Variants in COL19A1 observed in about 807,000 individuals in gnomAD.
The protein encoded by COL19A1 is collagen alpha-1(XIX) chain.
A neutral mutation model predicts 190.2 loss-of-function variants in COL19A1; 159 were observed. That is an observed-to-expected ratio of 0.84 (90% CI 0.73 to 0.95). The LOEUF (loss-of-function observed/expected upper bound fraction) is 0.95. COL19A1 is among the 40% of genes least tolerant of loss of function. The pLI is 0.00. For synonymous variants in COL19A1, 509 were observed against 458.9 expected, an observed-to-expected ratio of 1.11 and a Z score of -1.39; for missense variants, 1,418 against 1,431.9, an observed-to-expected ratio of 0.99 and a Z score of 0.16.
At chr6:69,945,711 G>A (rs1773754252) in intron 9 of COL19A1, among the ~76,000 whole-genome samples, 1 of 151,872 alleles carries the variant, frequency 6.6e-6, no homozygotes, top group South Asian at 2.1e-4. Context: ...ATAATCTCAT[G>A]TAATCTACAG....
intron 11 of COL19A1, among the ~76,000 whole-genome samples, chr6:69,982,768 C>A (rs903515164): frequency 3.1e-4 from 46 of 150,498 alleles, no homozygotes; most frequent in African/African-American, 1.1e-3. Context: ...GTCAGGAGAT[C>A]GAGACCATCC....
chr6:70,167,412 A>T (rs1765229255), intron 37 of COL19A1, among the ~76,000 whole-genome samples: 1 of 152,190 alleles, frequency 6.6e-6, no homozygotes, highest in Non-Finnish European at 1.5e-5. Context: ...AAACTATAGA[A>T]TAAGTTCTCC....
chr6:70,037,352 C>T (rs1257356208), intron 14 of COL19A1, among the ~76,000 whole-genome samples: 1 of 152,054 alleles, frequency 6.6e-6, no homozygotes, highest in African/African-American at 2.4e-5. Context: ...GACAGGTTTT[C>T]ACCATATTGA....
chr6:69,885,783 C>A (rs1404997247), intron 2 of COL19A1, among the ~76,000 whole-genome samples: 1 of 152,008 alleles, frequency 6.6e-6, no homozygotes, highest in African/African-American at 2.4e-5. Flanking sequence ...TAAGGTCTAT[C>A]TATGCTGTGG....
At chr6:70,100,226 T>C (rs1279891046) in intron 15 of COL19A1, among the ~76,000 whole-genome samples, 2 of 152,200 alleles carry the variant, frequency 1.3e-5, no homozygotes, top group African/African-American at 4.8e-5. Context: ...ATTTAGTTTC[T>C]TTGTGTTGTT....
In COL19A1 at chr6:69,936,914, T is replaced by G. The variant is rs752664402; in HGVS notation, c.873+4T>G. On this transcript the variant is annotated splice_donor_region_variant and intron_variant, in intron 8 of 50. Transcript: ENST00000620364. ...GTGCCAGTGCATTCCAAACAAGGTA[T>G]GCTAGTTTTAATTGGTGCACACTGA... 6.2e-7 allele frequency: 1 copy of G among 1,612,566 alleles called. No homozygotes were observed. Among genetic ancestry groups the G allele is most frequent in the Admixed American group, 1.7e-5 (1 of 59,924 alleles).
In COL19A1 at chr6:69,949,599, A is replaced by G. The variant is rs73482138; in HGVS notation, c.937-10397A>G. 8.2e-3 allele frequency among the ~76,000 whole-genome samples: 1,245 copies of G among 151,970 alleles called. 18 individuals carry two copies. Among genetic ancestry groups the G allele is most frequent in the African/African-American group, 0.026 (1,070 of 41,500 alleles). On this transcript the variant is annotated intron_variant, in intron 9 of 50. Transcript: ENST00000620364. ...GGGTGAAATATTTCTGTTATTTTAC[A>G]AGAAAAATGGTTTGTTAGATTTTTC... is the stretch of plus-strand genomic sequence containing the variant.
intron 15 of COL19A1, among the ~76,000 whole-genome samples, chr6:70,088,581 A>G (rs183525603): frequency 1.3e-3 from 204 of 152,274 alleles, no homozygotes; most frequent in Middle Eastern, 6.8e-3. Context: ...CAAAGCCACT[A>G]TGTCCACGTT....
intron 14 of COL19A1, among the ~76,000 whole-genome samples, chr6:70,040,582 C>G (rs141944885): frequency 6.6e-6 from 1 of 152,256 alleles, no homozygotes; most frequent in East Asian, 1.9e-4. Context: ...AATGGGACCC[C>G]ATTCAAAATT....
chr6:69,983,930 C>A (rs914690350), intron 11 of COL19A1, among the ~76,000 whole-genome samples: 8 of 151,842 alleles, frequency 5.3e-5, no homozygotes, highest in Non-Finnish European at 1.0e-4. Flanking sequence ...ATTTTCTGGT[C>A]AAACTTTGCT....
At chr6:70,199,051 T>A (rs79744162) in intron 48 of COL19A1, among the ~76,000 whole-genome samples, 5,864 of 152,318 alleles carry the variant, frequency 0.038, 152 homozygotes, top group Non-Finnish European at 0.059. Flanking sequence ...AGAAAGCAAC[T>A]AGGAAGCCAC....
rs1236016667 is a variant in COL19A1 at position 70,179,964 on chromosome 6, CCT to C, written c.2668-346_2668-345del. ...ATGTCATGATCTCAGCTCACTGCAA[CCT>C]CCGCCTCCTGGGTTCAAGTGATTCT... On this transcript the variant is annotated intron_variant, in intron 42 of 50. Transcript: ENST00000620364. Among the ~76,000 whole-genome samples, 6 of 152,150 alleles carry C rather than the reference CCT, an allele frequency of 3.9e-5. No homozygotes were observed. In the East Asian group the frequency reaches 5.8e-4, roughly 15 times the overall value.
chr6:70,052,812 A>C (rs1780280442), intron 14 of COL19A1, among the ~76,000 whole-genome samples: 1 of 152,214 alleles, frequency 6.6e-6, no homozygotes, highest in South Asian at 2.1e-4. Context: ...ATATATTAGA[A>C]GTAGATAGAG....
At chr6:70,136,311 G>T (rs1582998958) in intron 18 of COL19A1, among the ~76,000 whole-genome samples, 1 of 152,104 alleles carries the variant, frequency 6.6e-6, no homozygotes, top group South Asian at 2.1e-4. Context: ...GAACAATTAG[G>T]CACATCCACA....
intron 9 of COL19A1, 88 bp from the exon 10 acceptor site, chr6:69,959,908 C>A (rs1774665971): frequency 2.5e-6 from 3 of 1,185,430 alleles, no homozygotes; most frequent in African/African-American, 1.5e-5. Flanking sequence ...TTCCCCACAA[C>A]ACTAGAGCTA....
intron 4 of COL19A1, among the ~76,000 whole-genome samples, chr6:69,921,663 C>T (rs562815097): frequency 7.6e-5 from 10 of 130,984 alleles, no homozygotes; most frequent in East Asian, 6.6e-4. Context: ...CGTATATATT[C>T]GTATGTAGAT....
At chr6:70,110,795 G>GA (rs1467907102) in intron 16 of COL19A1, among the ~76,000 whole-genome samples, 4 of 152,210 alleles carry the variant, frequency 2.6e-5, no homozygotes, top group South Asian at 2.1e-4. Context: ...CATTATGGTG[G>GA]AAAAAATATT....
intron 34 of COL19A1, among the ~76,000 whole-genome samples, chr6:70,158,582 C>T (rs1195891543): frequency 6.6e-6 from 1 of 152,066 alleles, no homozygotes; most frequent in East Asian, 1.9e-4. Context: ...AAGGTAGCAA[C>T]TTGGAAGATG....
chr6:70,199,956 C>A (rs948186051), intron 49 of COL19A1: 3 of 441,738 alleles, frequency 6.8e-6, no homozygotes, highest in African/African-American at 6.1e-5. Flanking sequence ...AATTTAAAAC[C>A]AAATGAGAGT....
Sources: allele counts gnomAD v4.1 joint callset (sites outside exome capture counted in the v4.1 genomes callset), GRCh38; gene constraint gnomAD v4.1.1; transcripts MANE v1.5; gene names NCBI Gene and HGNC (gene_info 2026-07-23, HGNC 2026-07-21).